Variants in GPC5 observed in about 807,000 individuals in gnomAD.
GPC5 encodes glypican 5.
In GPC5, 47 loss-of-function variants were observed where a neutral mutation model predicts 53.9. The ratio of observed to expected loss-of-function variants is 0.87; its 90% CI spans 0.69 to 1.11. The LOEUF (loss-of-function observed/expected upper bound fraction) is 1.11, where lower values mean the gene tolerates loss of function less well. Ranked by LOEUF, GPC5 falls within the 50% of genes most tolerant of loss-of-function variation. The pLI is 0.00. For synonymous variants in GPC5, 286 were observed against 263.3 expected, an observed-to-expected ratio of 1.09 and a Z score of -0.84; for missense variants, 748 against 713.1, an observed-to-expected ratio of 1.05 and a Z score of -0.56.
At chr13:91,975,286 A>C (rs2040288262) in intron 6 of GPC5, among the ~76,000 whole-genome samples, 1 of 152,178 alleles carries the variant, frequency 6.6e-6, no homozygotes, top group African/African-American at 2.4e-5. Context: ...TAATTAAACT[A>C]AAGAGCTTCT....
chr13:92,053,304 C>T (rs1594745128), intron 6 of GPC5, among the ~76,000 whole-genome samples: 1 of 152,290 alleles, frequency 6.6e-6, no homozygotes, highest in East Asian at 1.9e-4. Flanking sequence ...TATCAGTTAT[C>T]TCCCACCGAC....
chr13:92,008,400 C>T (rs1364223483), intron 6 of GPC5, among the ~76,000 whole-genome samples: 1 of 151,860 alleles, frequency 6.6e-6, no homozygotes, highest in Non-Finnish European at 1.5e-5. Flanking sequence ...GAACATTTTT[C>T]ATTTTTCATT....
At chr13:91,409,332 C>CA (rs1877557514) in intron 1 of GPC5, among the ~76,000 whole-genome samples, 1 of 152,008 alleles carries the variant, frequency 6.6e-6, no homozygotes, top group Admixed American at 6.6e-5. Flanking sequence ...AAAAACATGG[C>CA]AAAACTAAAA....
At chr13:91,488,472 T>C (rs973597194) in intron 2 of GPC5, among the ~76,000 whole-genome samples, 7 of 152,212 alleles carry the variant, frequency 4.6e-5, no homozygotes, top group Non-Finnish European at 8.8e-5. Flanking sequence ...CAGAAGAACG[T>C]AAATTGTGAA....
At chr13:91,695,380 T>C (rs2035857679) in intron 3 of GPC5, among the ~76,000 whole-genome samples, 1 of 152,026 alleles carries the variant, frequency 6.6e-6, no homozygotes. Context: ...TTATTATTTA[T>C]TTATTTATTT....
chr13:92,842,119 A>C (rs1041428012), intron 7 of GPC5, among the ~76,000 whole-genome samples: 3 of 152,162 alleles, frequency 2.0e-5, no homozygotes, highest in Non-Finnish European at 4.4e-5. Context: ...CAACACTGAA[A>C]TTACTTTCAC....
chr13:91,431,154 C>T (rs930416101), intron 1 of GPC5, among the ~76,000 whole-genome samples: 2 of 152,128 alleles, frequency 1.3e-5, no homozygotes, highest in East Asian at 1.9e-4. Context: ...GCTGGGATTA[C>T]AGGTATGAGC....
chr13:92,595,261 T>C (rs1051403322), intron 7 of GPC5, among the ~76,000 whole-genome samples: 1 of 152,170 alleles, frequency 6.6e-6, no homozygotes, highest in Non-Finnish European at 1.5e-5. Flanking sequence ...GCATACCAAA[T>C]ACCTATTCTC....
intron 7 of GPC5, among the ~76,000 whole-genome samples, chr13:92,286,959 A>T (rs12875273): frequency 1.3e-5 from 2 of 152,166 alleles, no homozygotes; most frequent in Non-Finnish European, 2.9e-5. Flanking sequence ...TAGGTACAAG[A>T]TGGCCATATG....
intron 7 of GPC5, among the ~76,000 whole-genome samples, chr13:92,247,303 A>G (rs2042659921): frequency 6.6e-6 from 1 of 152,136 alleles, no homozygotes; most frequent in Non-Finnish European, 1.5e-5. Flanking sequence ...ACCTCCATGA[A>G]GAAGGTATTA....
chr13:92,250,876 A>T (rs1241729950), intron 7 of GPC5, among the ~76,000 whole-genome samples: 5 of 152,096 alleles, frequency 3.3e-5, no homozygotes, highest in Admixed American at 3.3e-4. Flanking sequence ...TATTGATTGA[A>T]AAAAAAGGAT....
At chr13:91,692,313 G>C (rs531285438) in intron 2 of GPC5, among the ~76,000 whole-genome samples, 1 of 152,258 alleles carries the variant, frequency 6.6e-6, no homozygotes, top group African/African-American at 2.4e-5. Context: ...ATAATTTATG[G>C]ATACTTTGAA....
intron 6 of GPC5, among the ~76,000 whole-genome samples, chr13:92,065,595 C>T (rs2041161371): frequency 6.6e-6 from 1 of 152,020 alleles, no homozygotes; most frequent in Non-Finnish European, 1.5e-5. Context: ...TCTGTGTCTC[C>T]TAGTTTTAGA....
chr13:91,601,875 C>G (rs2139239992), intron 2 of GPC5, among the ~76,000 whole-genome samples: 1 of 152,286 alleles, frequency 6.6e-6, no homozygotes, highest in African/African-American at 2.4e-5. Context: ...GAAACCATCC[C>G]CCATGCTGGT....
intron 7 of GPC5, among the ~76,000 whole-genome samples, chr13:92,422,894 A>G (rs1386561783): frequency 1.3e-5 from 2 of 152,226 alleles, no homozygotes; most frequent in Non-Finnish European, 2.9e-5. Context: ...ACCTACTTCT[A>G]TTTTGAGAAT....
intron 5 of GPC5, among the ~76,000 whole-genome samples, chr13:91,904,351 A>C (rs189884046): frequency 7.9e-5 from 12 of 151,578 alleles, no homozygotes; most frequent in Admixed American, 5.9e-4. Context: ...GTTGAGGAGG[A>C]TTTTGAAGAA....
rs187573587 is a variant in GPC5, at chr13:91,783,551, A to G, written c.1280+27131A>G. Among the ~76,000 whole-genome samples, 1,023 of 152,222 alleles carry G rather than the reference A, an allele frequency of 6.7e-3. 58 individuals carry two copies. Among genetic ancestry groups the G allele is most frequent in the Admixed American group, 0.063 (960 of 15,294 alleles). Reference sequence around the variant, plus strand: ...TGGGTTCAAGTGATTCTTATGCCTCAGCCTCCTGAGTAACTGGGATTATAG... The same window carrying G: ...TGGGTTCAAGTGATTCTTATGCCTCGGCCTCCTGAGTAACTGGGATTATAG... On this transcript the variant is annotated intron_variant, in intron 5 of 7. Coordinates refer to ENST00000377067, the MANE Select transcript of GPC5 (RefSeq NM_004466.6).
intron 1 of GPC5, among the ~76,000 whole-genome samples, chr13:91,416,852 T>C (rs142172346): frequency 0.022 from 3,347 of 152,342 alleles, 66 homozygotes; most frequent in South Asian, 0.048. Flanking sequence ...AGTCTATCAT[T>C]GATGGACATT....
chr13:92,109,135 C>T (rs1594766626), intron 6 of GPC5, among the ~76,000 whole-genome samples: 2 of 139,466 alleles, frequency 1.4e-5, no homozygotes, highest in Admixed American at 1.6e-4. Context: ...GGCACAATCT[C>T]GGCTCACTGC....
Sources: gnomAD v4.1 joint callset for allele counts (sites outside exome capture counted in the v4.1 genomes callset) on GRCh38, gnomAD v4.1.1 for gene constraint, MANE v1.5 for transcripts, NCBI Gene and HGNC (gene_info 2026-07-23, HGNC 2026-07-21) for gene names.